TASP1: variants seen among roughly 807,000 people sequenced by gnomAD.
TASP1 encodes threonine aspartase 1.
In TASP1, 16 loss-of-function variants were observed where a neutral mutation model predicts 56.6. The ratio of observed to expected loss-of-function variants is 0.28; its 90% CI spans 0.19 to 0.43. The LOEUF (loss-of-function observed/expected upper bound fraction) is 0.43. TASP1 is among the 20% of genes least tolerant of loss of function. The pLI, the probability that TASP1 is intolerant of heterozygous loss-of-function variation, is 1.00. For missense variants in TASP1, 393 were observed against 511.6 expected, an observed-to-expected ratio of 0.77 and a Z score of 2.24; for synonymous variants, 179 against 184.2, an observed-to-expected ratio of 0.97 and a Z score of 0.23.
At chr20:13,394,587 G>T (rs553908364) in intron 13 of TASP1, among the ~76,000 whole-genome samples, 1 of 151,832 alleles carries the variant, frequency 6.6e-6, no homozygotes, top group Non-Finnish European at 1.5e-5. Context: ...ATTCCAGCCT[G>T]GGCGACAGAG....
At chr20:13,219,974 G>A in the TASP1 span, among the ~76,000 whole-genome samples, 2 of 152,158 alleles carry the variant, frequency 1.3e-5, no homozygotes, top group Non-Finnish European at 2.9e-5. Context: ...GAGGCGTGCC[G>A]TCAAGAAAGA....
At chr20:13,517,233 A>G (rs2044574437) in intron 10 of TASP1, among the ~76,000 whole-genome samples, 1 of 152,120 alleles carries the variant, frequency 6.6e-6, no homozygotes, top group Admixed American at 6.6e-5. Flanking sequence ...TTTTGAGGAC[A>G]AGGACTATGT....
the TASP1 span, among the ~76,000 whole-genome samples, chr20:13,219,599 CA>C: frequency 2.0e-5 from 3 of 149,706 alleles, no homozygotes; most frequent in Non-Finnish European, 3.0e-5. Flanking sequence ...GTTCCCCACC[CA>C]AAAAAAAATA....
At chr20:13,590,883 T>C (rs2047507113) in intron 4 of TASP1, among the ~76,000 whole-genome samples, 1 of 151,562 alleles carries the variant, frequency 6.6e-6, no homozygotes, top group Non-Finnish European at 1.5e-5. Context: ...AATAAATAAA[T>C]AAAAATAAAA....
chr20:13,438,589 C>G (rs912549808), intron 11 of TASP1, among the ~76,000 whole-genome samples: 3 of 152,054 alleles, frequency 2.0e-5, no homozygotes, highest in Admixed American at 2.0e-4. Flanking sequence ...CAGGACATAG[C>G]CATGGGCAAG....
chr20:13,292,357 C>T, the TASP1 span: 1 of 1,536,868 alleles, frequency 6.5e-7, no homozygotes, highest in Non-Finnish European at 8.9e-7. Context: ...GAAAAATGAG[C>T]TCTTGTCTGT....
At chr20:13,522,314 T>C (rs1180991528) in intron 10 of TASP1, among the ~76,000 whole-genome samples, 1 of 152,026 alleles carries the variant, frequency 6.6e-6, no homozygotes, top group Non-Finnish European at 1.5e-5. Context: ...AAAGGGGGAA[T>C]GGGGCAAAAA....
chr20:13,270,414 T>C, the TASP1 span: 238 of 1,419,970 alleles, frequency 1.7e-4, no homozygotes, highest in African/African-American at 3.2e-3. Flanking sequence ...ACTGGAATTG[T>C]CCTTGCTCCT....
At chr20:13,489,565 C>G (rs1435892709) in intron 10 of TASP1, among the ~76,000 whole-genome samples, 1 of 152,110 alleles carries the variant, frequency 6.6e-6, no homozygotes, top group Non-Finnish European at 1.5e-5. Flanking sequence ...AAAACACCAT[C>G]TGCTGAGGAC....
At chr20:13,178,535 G>A in the TASP1 span, among the ~76,000 whole-genome samples, 2 of 151,972 alleles carry the variant, frequency 1.3e-5, no homozygotes, top group African/African-American at 2.4e-5. Flanking sequence ...AGAAAATGTG[G>A]TATATATACA....
chr20:13,200,850 A>T, the TASP1 span, among the ~76,000 whole-genome samples: 34 of 152,354 alleles, frequency 2.2e-4, no homozygotes, highest in Non-Finnish European at 8.8e-5. Flanking sequence ...TGATAATTAC[A>T]TGCATTTTCA....
intron 10 of TASP1, among the ~76,000 whole-genome samples, chr20:13,508,527 T>C (rs1213544848): frequency 1.3e-5 from 2 of 152,000 alleles, no homozygotes; most frequent in Admixed American, 6.6e-5. Context: ...TCTGAAAAAC[T>C]CCGAAATTCA....
At chr20:13,570,208 A>G (rs1414049804) in intron 6 of TASP1, among the ~76,000 whole-genome samples, 1 of 152,134 alleles carries the variant, frequency 6.6e-6, no homozygotes, top group Non-Finnish European at 1.5e-5. Flanking sequence ...TTGCTAGCTA[A>G]ATATAAAAGA....
At chr20:13,298,612 G>A in the TASP1 span, among the ~76,000 whole-genome samples, 4 of 152,194 alleles carry the variant, frequency 2.6e-5, no homozygotes, top group African/African-American at 9.7e-5. Context: ...TCCAGGTGAT[G>A]AAATATGGGT....
At chr20:13,373,456 GTTT>G in the TASP1 span, among the ~76,000 whole-genome samples, 9 of 143,618 alleles carry the variant, frequency 6.3e-5, no homozygotes, top group East Asian at 2.0e-4. Context: ...AATTCTTTCA[GTTT>G]TTTTTTTTTT....
intron 8 of TASP1, among the ~76,000 whole-genome samples, chr20:13,555,252 C>T (rs528652403): frequency 1.2e-4 from 18 of 151,830 alleles, no homozygotes; most frequent in East Asian, 3.9e-4. Context: ...GGCGTGGTGG[C>T]GGGCGCCTGT....
At chr20:13,518,090 T>C (rs1218486607) in intron 10 of TASP1, among the ~76,000 whole-genome samples, 1 of 152,112 alleles carries the variant, frequency 6.6e-6, no homozygotes, top group Non-Finnish European at 1.5e-5. Flanking sequence ...TCCCATGGCA[T>C]TATTCCTAAC....
the TASP1 span, among the ~76,000 whole-genome samples, chr20:13,378,301 T>G: frequency 6.6e-6 from 1 of 152,324 alleles, no homozygotes; most frequent in East Asian, 1.9e-4. Flanking sequence ...TTCAAAGAAC[T>G]TATTTATTAC....
At chr20:13,329,550 T>A in the TASP1 span, among the ~76,000 whole-genome samples, 1 of 149,362 alleles carries the variant, frequency 6.7e-6, no homozygotes, top group East Asian at 1.9e-4. Flanking sequence ...AATATGCTTT[T>A]GTTTTTTTTC....
Sources: gnomAD v4.1 joint callset for allele counts (sites outside exome capture counted in the v4.1 genomes callset) on GRCh38, gnomAD v4.1.1 for gene constraint, MANE v1.5 for transcripts, NCBI Gene and HGNC (gene_info 2026-07-23, HGNC 2026-07-21) for gene names.